The following SLC24A3 variants were observed in gnomAD, a reference collection of about 807,000 sequenced individuals.
SLC24A3 encodes sodium/potassium/calcium exchanger 3.
A neutral mutation model predicts 75.8 loss-of-function variants in SLC24A3; 28 were observed. The ratio of observed to expected loss-of-function variants is 0.37; its 90% CI spans 0.27 to 0.51. The LOEUF (loss-of-function observed/expected upper bound fraction) is 0.51, where lower values mean the gene tolerates loss of function less well. SLC24A3 is among the 20% of genes least tolerant of loss of function. The probability of loss-of-function intolerance (pLI) is 0.94; values close to 1 mark genes in which losing one functional copy is unlikely to be tolerated. For synonymous variants in SLC24A3, 372 were observed against 334.1 expected (o/e 1.11, Z -1.24); for missense variants, 663 against 847.8 (o/e 0.78, Z 2.71).
At chr20:19,389,413 A>G (rs1377961725) in intron 2 of SLC24A3, among the ~76,000 whole-genome samples, 1 of 152,122 alleles carries the variant, frequency 6.6e-6, no homozygotes, top group Non-Finnish European at 1.5e-5. Context: ...AGTGATGATT[A>G]ACTCTCATAC....
intron 1 of SLC24A3, among the ~76,000 whole-genome samples, chr20:19,225,025 A>G (rs1240824495): frequency 6.6e-6 from 1 of 152,220 alleles, no homozygotes; most frequent in Non-Finnish European, 1.5e-5. Flanking sequence ...AATCAGAAAC[A>G]CTGGCTGTTG....
chr20:19,394,177 C>T (rs1204446568), intron 2 of SLC24A3, among the ~76,000 whole-genome samples: 1 of 152,158 alleles, frequency 6.6e-6, no homozygotes, highest in African/African-American at 2.4e-5. Flanking sequence ...AAGTTGAGCT[C>T]TTACCTTACA....
intron 2 of SLC24A3, among the ~76,000 whole-genome samples, chr20:19,432,746 T>A (rs999777643): frequency 2.6e-5 from 4 of 152,160 alleles, no homozygotes; most frequent in Admixed American, 1.3e-4. Flanking sequence ...GATGTATTAT[T>A]AAGCACAGGT....
intron 2 of SLC24A3, among the ~76,000 whole-genome samples, chr20:19,499,768 G>GCA (rs550681822): frequency 6.6e-6 from 1 of 152,104 alleles, no homozygotes. Context: ...TTGTACATAT[G>GCA]CACACACACA....
intron 3 of SLC24A3, among the ~76,000 whole-genome samples, chr20:19,576,191 T>G (rs922645827): frequency 2.6e-5 from 4 of 152,144 alleles, no homozygotes; most frequent in African/African-American, 9.7e-5. Flanking sequence ...GTGGCAAATG[T>G]GATTATTATT....
chr20:19,328,668 G>A (rs1038173021), intron 2 of SLC24A3, among the ~76,000 whole-genome samples: 3 of 152,150 alleles, frequency 2.0e-5, no homozygotes, highest in Admixed American at 6.5e-5. Flanking sequence ...ATGGGAGACC[G>A]GGTGTCCTGT....
rs376190374 is a variant in SLC24A3 at position 19,613,712 on chromosome 20, G to C, written c.612+28168G>C. Among the ~76,000 whole-genome samples, 10 of 152,308 alleles carry C rather than the reference G, an allele frequency of 6.6e-5. No homozygotes were observed. The East Asian group carries it at 1.7e-3, about 26-fold the overall frequency. On this transcript the variant is annotated intron_variant, in intron 6 of 16. Transcript: ENST00000328041. Reference sequence around the variant, plus strand: ...TTACAGAGTGGGACCCAGACCTGGAGGATATTATTCTCTAGAAGTGTAATG... The same window carrying C: ...TTACAGAGTGGGACCCAGACCTGGACGATATTATTCTCTAGAAGTGTAATG...
At chr20:19,333,169 C>CTGTCA (rs1418955025) in intron 2 of SLC24A3, among the ~76,000 whole-genome samples, 1 of 152,204 alleles carries the variant, frequency 6.6e-6, no homozygotes, top group Non-Finnish European at 1.5e-5. Flanking sequence ...GTCTGTTTAT[C>CTGTCA]TGTCATCTGT....
chr20:19,236,222 G>A (rs1452586120), intron 1 of SLC24A3, among the ~76,000 whole-genome samples: 1 of 152,190 alleles, frequency 6.6e-6, no homozygotes, highest in African/African-American at 2.4e-5. Flanking sequence ...GGGAGAATGG[G>A]CATGTACAGT....
intron 2 of SLC24A3, among the ~76,000 whole-genome samples, chr20:19,512,817 C>T (rs531384920): frequency 2.0e-5 from 3 of 152,258 alleles, no homozygotes; most frequent in South Asian, 2.1e-4. Flanking sequence ...GCTTGTGGGG[C>T]GGAAAGTAAA....
At chr20:19,486,311 T>G (rs369989609) in intron 2 of SLC24A3, among the ~76,000 whole-genome samples, 7 of 152,344 alleles carry the variant, frequency 4.6e-5, no homozygotes, top group Non-Finnish European at 7.4e-5. Flanking sequence ...AGGAGTTAAC[T>G]ACCAGAGAAT....
At chr20:19,633,671 G>GA (rs900007127) in intron 6 of SLC24A3, among the ~76,000 whole-genome samples, 1 of 99,056 alleles carries the variant, frequency 1.0e-5, no homozygotes, top group African/African-American at 3.2e-5. Flanking sequence ...AAAAAAAAAA[G>GA]AATGCCAGTA....
chr20:19,319,217 G>T (rs776454752), intron 2 of SLC24A3, among the ~76,000 whole-genome samples: 14 of 152,348 alleles, frequency 9.2e-5, no homozygotes, highest in South Asian at 8.3e-4. Flanking sequence ...TGTCCCATGA[G>T]CAGGACACTG....
intron 10 of SLC24A3, among the ~76,000 whole-genome samples, chr20:19,682,856 G>C (rs2032630921): frequency 6.6e-6 from 1 of 152,160 alleles, no homozygotes; most frequent in Non-Finnish European, 1.5e-5. Context: ...TTACAAAACA[G>C]CTGAGACACT....
At chr20:19,615,958 G>A (rs2031730365) in intron 6 of SLC24A3, among the ~76,000 whole-genome samples, 1 of 152,124 alleles carries the variant, frequency 6.6e-6, no homozygotes, top group African/African-American at 2.4e-5. Context: ...AGCCTATGGT[G>A]GGACTTCACC....
Position 19,346,224 on chromosome 20 carries a change from ATATATGGTATATATATATGGTG to A in SLC24A3, c.271+65143_271+65164del, listed in dbSNP as rs1985413835. Among the ~76,000 whole-genome samples, 5 of 96,080 alleles carry A rather than the reference ATATATGGTATATATATATGGTG, an allele frequency of 5.2e-5. 1 individual carries two copies. Among genetic ancestry groups the A allele is most frequent in the African/African-American group, 1.0e-4 (2 of 19,356 alleles). The allele number at this position is 96,080 out of a possible 152,430, so 63.0% of individuals were successfully genotyped here. ...TGGTATATATATATGGTGTATATGT[ATATATGGTATATATATATGGTG>A]TATATATATATGGTATATATATATG... On this transcript the variant is annotated intron_variant, in intron 2 of 16. Transcript: ENST00000328041.
chr20:19,544,530 T>G (rs1268537998), intron 3 of SLC24A3, among the ~76,000 whole-genome samples: 1 of 152,094 alleles, frequency 6.6e-6, no homozygotes, highest in African/African-American at 2.4e-5. Flanking sequence ...GTGGTACCAT[T>G]TTTGCACCAG....
At chr20:19,482,805 G>T (rs1326138443) in intron 2 of SLC24A3, among the ~76,000 whole-genome samples, 1 of 152,182 alleles carries the variant, frequency 6.6e-6, no homozygotes, top group Non-Finnish European at 1.5e-5. Flanking sequence ...TGGGATCTCA[G>T]AGAAGAACTC....
chr20:19,474,406 A>C (rs2122510754), intron 2 of SLC24A3, among the ~76,000 whole-genome samples: 1 of 152,318 alleles, frequency 6.6e-6, no homozygotes, highest in African/African-American at 2.4e-5. Context: ...AAATTATTAA[A>C]AATTCAGAAC....
Sources: allele counts gnomAD v4.1 joint callset (sites outside exome capture counted in the v4.1 genomes callset), GRCh38; gene constraint gnomAD v4.1.1; transcripts MANE v1.5; gene names NCBI Gene and HGNC (gene_info 2026-07-23, HGNC 2026-07-21).